The following ZFHX3 variants were observed in gnomAD, a reference collection of about 807,000 sequenced individuals.
The protein encoded by ZFHX3 is zinc finger homeobox protein 3.
A neutral mutation model predicts 279.1 loss-of-function variants in ZFHX3; 42 were observed. The observed-to-expected ratio is 0.15, with a 90% CI of 0.12 to 0.19. The LOEUF is 0.19. Ranked by LOEUF, ZFHX3 falls within the 10% of genes least tolerant of loss-of-function variation. ZFHX3 has a pLI of 1.00. For missense variants in ZFHX3, 4,981 were observed against 4,754.0 expected, an observed-to-expected ratio of 1.05 and a Z score of -1.40; for synonymous variants, 2,293 against 1,957.8, an observed-to-expected ratio of 1.17 and a Z score of -4.52.
chr16:73,529,111 T>A (rs1046244092), intron 2 of ZFHX3, among the ~76,000 whole-genome samples: 2 of 152,204 alleles, frequency 1.3e-5, no homozygotes, highest in Non-Finnish European at 2.9e-5. Flanking sequence ...GGGCAGTTTT[T>A]CCTCTACTTT....
chr16:73,393,748 T>C (rs965453485), intron 3 of ZFHX3, among the ~76,000 whole-genome samples: 2 of 152,020 alleles, frequency 1.3e-5, no homozygotes, highest in African/African-American at 4.8e-5. Context: ...CACCATAGTA[T>C]CCAGTGGGTA....
intron 3 of ZFHX3, among the ~76,000 whole-genome samples, chr16:72,947,644 C>T (rs1182943340): frequency 6.6e-6 from 1 of 151,916 alleles, no homozygotes; most frequent in Non-Finnish European, 1.5e-5. Context: ...CTAGGTGCCG[C>T]GGAGAGCAGC....
chr16:72,886,350 G>A (rs1043814014), intron 4 of ZFHX3, among the ~76,000 whole-genome samples: 1 of 151,806 alleles, frequency 6.6e-6, no homozygotes, highest in Non-Finnish European at 1.5e-5. Context: ...CATACGGAAG[G>A]GAAGTCTATC....
At chr16:73,248,651 G>A (rs1259272527) in intron 5 of ZFHX3, among the ~76,000 whole-genome samples, 3 of 151,546 alleles carry the variant, frequency 2.0e-5, no homozygotes, top group Non-Finnish European at 4.4e-5. Flanking sequence ...ATGTATGTGT[G>A]TGTGTGTGTG....
intron 1 of ZFHX3, among the ~76,000 whole-genome samples, chr16:73,847,911 T>G (rs1597142208): frequency 7.0e-6 from 1 of 142,040 alleles, no homozygotes. Context: ...CTAGTTTTTT[T>G]TTTTTTTTTT....
intron 3 of ZFHX3, among the ~76,000 whole-genome samples, chr16:73,427,277 G>A (rs1490019846): frequency 1.3e-5 from 2 of 152,094 alleles, no homozygotes; most frequent in African/African-American, 2.4e-5. Flanking sequence ...GAGTGGTAAG[G>A]TCATGTGTAA....
chr16:73,593,462 A>G (rs9933100), intron 2 of ZFHX3, among the ~76,000 whole-genome samples: 4,285 of 152,218 alleles, frequency 0.028, 200 homozygotes, highest in African/African-American at 0.098. Context: ...GAGTTTATTT[A>G]TCATTAGAAA....
At chr16:72,919,062 T>A (rs575443382) in intron 3 of ZFHX3, among the ~76,000 whole-genome samples, 68 of 152,238 alleles carry the variant, frequency 4.5e-4, no homozygotes, top group Non-Finnish European at 7.1e-4. Context: ...TGCGGGTAGA[T>A]GTGCCTGGAG....
chr16:72,921,946 C>T (rs148688847), intron 3 of ZFHX3, among the ~76,000 whole-genome samples: 88 of 152,310 alleles, frequency 5.8e-4, no homozygotes, highest in African/African-American at 1.9e-3. Context: ...CAGCCGGGTG[C>T]GGAGGCACCA....
chr16:73,247,788 T>G (rs2013343176), intron 5 of ZFHX3, among the ~76,000 whole-genome samples: 1 of 152,188 alleles, frequency 6.6e-6, no homozygotes, highest in Non-Finnish European at 1.5e-5. Flanking sequence ...GATGTGTCTG[T>G]GTATATGTGT....
intron 3 of ZFHX3, among the ~76,000 whole-genome samples, chr16:73,413,342 T>C (rs1281819166): frequency 6.6e-6 from 1 of 151,902 alleles, no homozygotes; most frequent in Non-Finnish European, 1.5e-5. Context: ...TTGGGTGAAA[T>C]GTGACCTGTA....
intron 4 of ZFHX3, among the ~76,000 whole-genome samples, chr16:73,269,239 C>G (rs1009243591): frequency 2.6e-5 from 4 of 152,162 alleles, no homozygotes; most frequent in Non-Finnish European, 4.4e-5. Flanking sequence ...TGACAAATGT[C>G]AACAGGCACA....
intron 1 of ZFHX3, among the ~76,000 whole-genome samples, chr16:73,756,212 C>T (rs932736571): frequency 6.6e-6 from 1 of 152,182 alleles, no homozygotes; most frequent in Admixed American, 6.5e-5. Flanking sequence ...CATGGTCTCA[C>T]TCTCTCTTTC....
intron 4 of ZFHX3, among the ~76,000 whole-genome samples, chr16:73,283,664 T>C (rs1406904160): frequency 2.0e-5 from 3 of 152,232 alleles, no homozygotes; most frequent in Non-Finnish European, 2.9e-5. Flanking sequence ...TTTACGAACA[T>C]GGTAGACTTA....
rs1386159802 is a variant in ZFHX3, at chr16:73,773,622, G to T, written c.-1607-93382C>A. 1.3e-5 allele frequency among the ~76,000 whole-genome samples: 2 copies of T among 152,226 alleles called. 1 individual carries two copies. The highest frequency in any genetic ancestry group is 6.3e-3 in the Middle Eastern group (2 of 316). On this transcript the variant is annotated intron_variant, in intron 1 of 17. Transcript: ENST00000641206. ...GAAAGGGACAGAGAGAGGGCCATCC[G>T]GGAAGGCCTGTCTCAGGTAGAGATA... is the stretch of plus-strand genomic sequence containing the variant.
At chr16:73,628,335 A>G (rs2052437502) in intron 2 of ZFHX3, among the ~76,000 whole-genome samples, 1 of 152,202 alleles carries the variant, frequency 6.6e-6, no homozygotes, top group African/African-American at 2.4e-5. Flanking sequence ...GTTCAAATGT[A>G]TGGATCTATA....
chr16:73,484,914 A>G (rs189350942), intron 2 of ZFHX3, among the ~76,000 whole-genome samples: 1 of 152,314 alleles, frequency 6.6e-6, no homozygotes, highest in Admixed American at 6.5e-5. Context: ...TACTTGGATA[A>G]CTGAAAGGAT....
At chr16:73,791,837 G>C (rs1959834010) in intron 1 of ZFHX3, among the ~76,000 whole-genome samples, 1 of 152,190 alleles carries the variant, frequency 6.6e-6, no homozygotes. Flanking sequence ...AAATAAATGA[G>C]TGTTATAGTA....
At chr16:73,154,357 T>C (rs1327810857) in intron 5 of ZFHX3, among the ~76,000 whole-genome samples, 1 of 152,198 alleles carries the variant, frequency 6.6e-6, no homozygotes, top group Non-Finnish European at 1.5e-5. Flanking sequence ...CTGTTTCCTG[T>C]TCCGTTTTTC....
Sources: allele counts gnomAD v4.1 joint callset (sites outside exome capture counted in the v4.1 genomes callset), GRCh38; gene constraint gnomAD v4.1.1; transcripts MANE v1.5; gene names NCBI Gene and HGNC (gene_info 2026-07-23, HGNC 2026-07-21).